Variants in GHR observed in about 807,000 individuals in gnomAD.
The protein encoded by GHR is growth hormone receptor.
Under a neutral mutation model 67.1 loss-of-function variants are expected in GHR, and 35 were observed. The ratio of observed to expected loss-of-function variants is 0.52; its 90% CI spans 0.40 to 0.69. The LOEUF (loss-of-function observed/expected upper bound fraction) is 0.69. Ranked by LOEUF, GHR falls within the 30% of genes least tolerant of loss-of-function variation. The pLI is 0.00. For missense variants in GHR, 792 were observed against 764.6 expected (o/e 1.04, Z -0.42); for synonymous variants, 272 against 269.1 (o/e 1.01, Z -0.10).
At position 42,711,389 on chromosome 5, in the gene GHR, A is replaced by T; in HGVS notation, c.784+17A>T. The T allele has an allele frequency of 6.3e-7, 1 of 1,580,254 alleles. No homozygotes were observed. Among genetic ancestry groups the T allele is most frequent in the South Asian group, 1.1e-5 (1 of 90,366 alleles). The stretch of plus-strand genomic sequence containing the variant: ...GTGAAGAAGGTAAAAGAAATAAAAG[A>T]TTAAAATAGTAGCTAACCTGGCTTT... On this transcript the variant is annotated intron_variant, in intron 7 of 9. Coordinates refer to ENST00000230882, the MANE Select transcript of GHR (RefSeq NM_000163.5).
At chr5:42,513,752 A>T (rs1747123109) in intron 1 of GHR, among the ~76,000 whole-genome samples, 1 of 151,916 alleles carries the variant, frequency 6.6e-6, no homozygotes, top group Non-Finnish European at 1.5e-5. Context: ...ATTGCACTCC[A>T]GTCTGGGCAA....
At position 42,659,221 on chromosome 5, in the gene GHR, G is replaced by A. The variant is rs1755428828; in HGVS notation, c.137-29669G>A. 3 of 152,298 alleles carry A rather than the reference G, an allele frequency of 2.0e-5. No individual in the cohort carries two copies. The South Asian group carries it at 6.2e-4, about 32-fold the overall frequency. The allele number at this position is 152,298 out of a possible 1,614,324, so 9.4% of individuals were successfully genotyped here. On this transcript the variant is annotated intron_variant, in intron 3 of 9. Transcript: ENST00000230882. ...TTACACAGGGGAAAACTGGAGCTTA[G>A]AGAACTTATGTAACATTACTAGCAA... is the stretch of plus-strand genomic sequence containing the variant.
intron 1 of GHR, among the ~76,000 whole-genome samples, chr5:42,486,672 C>T (rs950734544): frequency 2.0e-5 from 3 of 151,990 alleles, no homozygotes; most frequent in Non-Finnish European, 2.9e-5. Flanking sequence ...ACGGTGAAAC[C>T]CCGTCTCTAC....
chr5:42,435,086 A>G (rs1743266778), intron 1 of GHR, among the ~76,000 whole-genome samples: 1 of 152,230 alleles, frequency 6.6e-6, no homozygotes, highest in Non-Finnish European at 1.5e-5. Flanking sequence ...AGAATTCCCT[A>G]CAGTATCTTT....
chr5:42,644,059 A>T (rs982906171), intron 3 of GHR, among the ~76,000 whole-genome samples: 1 of 152,030 alleles, frequency 6.6e-6, no homozygotes, highest in Non-Finnish European at 1.5e-5. Context: ...TAGAAAAATC[A>T]CTACATTACA....
At chr5:42,615,146 G>A (rs929470644) in intron 2 of GHR, among the ~76,000 whole-genome samples, 1 of 151,694 alleles carries the variant, frequency 6.6e-6, no homozygotes, top group Admixed American at 6.6e-5. Flanking sequence ...ACCTGCTTCC[G>A]ACGAAATTTA....
intron 1 of GHR, among the ~76,000 whole-genome samples, chr5:42,516,619 T>A (rs1414782788): frequency 1.3e-5 from 2 of 152,208 alleles, no homozygotes; most frequent in South Asian, 4.1e-4. Flanking sequence ...GACAAGGAAG[T>A]GGGAGATGAA....
At chr5:42,695,205 A>C in intron 5 of GHR, 116 bp downstream of exon 5, 1 of 755,906 alleles carries the variant, frequency 1.3e-6, no homozygotes, top group Admixed American at 2.0e-5. Flanking sequence ...CTATAGATAC[A>C]TGGAGATCTG....
chr5:42,640,563 T>A (rs997508027), intron 3 of GHR, among the ~76,000 whole-genome samples: 1 of 151,996 alleles, frequency 6.6e-6, no homozygotes, highest in Non-Finnish European at 1.5e-5. Context: ...CCAAAACTTA[T>A]CTCCTATATA....
At position 42,437,978 on chromosome 5, in the gene GHR, GA is replaced by G. The variant is rs368436820; in HGVS notation, c.-12+14032del. Among the ~76,000 whole-genome samples, 11 of 151,012 alleles carry G rather than the reference GA, an allele frequency of 7.3e-5. No homozygotes were observed. The South Asian group carries it at 1.5e-3, about 20-fold the overall frequency. ...TTTAGAAATTCCTCTGATTTCTAGA[GA>G]AAAAAAAATCGCATTAGCTTTTTGG... On this transcript the variant is annotated intron_variant, in intron 1 of 9. Transcript: ENST00000230882.
At chr5:42,436,051 G>A (rs1485589180) in intron 1 of GHR, among the ~76,000 whole-genome samples, 1 of 152,192 alleles carries the variant, frequency 6.6e-6, no homozygotes, top group Non-Finnish European at 1.5e-5. Flanking sequence ...TTTTGAATGT[G>A]TGCCCTGAAC....
At chr5:42,547,615 T>G (rs975218560) in intron 1 of GHR, among the ~76,000 whole-genome samples, 1 of 152,182 alleles carries the variant, frequency 6.6e-6, no homozygotes, top group Non-Finnish European at 1.5e-5. Flanking sequence ...AAACTACGTT[T>G]TCTAAATGCT....
intron 2 of GHR, among the ~76,000 whole-genome samples, chr5:42,608,960 T>C (rs1473873718): frequency 2.0e-5 from 3 of 152,114 alleles, no homozygotes; most frequent in African/African-American, 7.2e-5. Context: ...CAATATTATA[T>C]AATTTAAAAA....
intron 3 of GHR, among the ~76,000 whole-genome samples, chr5:42,634,085 T>C (rs990152518): frequency 1.3e-5 from 2 of 152,166 alleles, no homozygotes; most frequent in Non-Finnish European, 2.9e-5. Flanking sequence ...GTTCTACTGC[T>C]TACTTCCTGT....
At chr5:42,540,932 G>A (rs903066283) in intron 1 of GHR, among the ~76,000 whole-genome samples, 18 of 137,876 alleles carry the variant, frequency 1.3e-4, no homozygotes, top group African/African-American at 4.8e-4. Context: ...ACAGTCTCTA[G>A]TATTTTCCTT....
intron 1 of GHR, among the ~76,000 whole-genome samples, chr5:42,509,342 T>A (rs1449341292): frequency 1.3e-5 from 2 of 152,162 alleles, no homozygotes; most frequent in Non-Finnish European, 2.9e-5. Flanking sequence ...ACTTTCCTAG[T>A]CTCCTGGACA....
chr5:42,524,467 T>A (rs898145922), intron 1 of GHR, among the ~76,000 whole-genome samples: 7 of 152,198 alleles, frequency 4.6e-5, no homozygotes, highest in African/African-American at 1.7e-4. Flanking sequence ...AGGTGAATGC[T>A]TGGGTGCCAT....
intron 2 of GHR, among the ~76,000 whole-genome samples, chr5:42,589,633 T>A (rs1369990529): frequency 6.6e-6 from 1 of 152,196 alleles, no homozygotes; most frequent in East Asian, 1.9e-4. Context: ...AGTTGTGTTA[T>A]TTTTTTCAGT....
At chr5:42,571,992 C>A (rs935190598) in intron 2 of GHR, among the ~76,000 whole-genome samples, 3 of 152,176 alleles carry the variant, frequency 2.0e-5, no homozygotes, top group African/African-American at 7.2e-5. Context: ...GCCCAGCCAG[C>A]CTCTACCTGA....
Sources: allele counts gnomAD v4.1 joint callset (sites outside exome capture counted in the v4.1 genomes callset), GRCh38; gene constraint gnomAD v4.1.1; transcripts MANE v1.5; gene names NCBI Gene and HGNC (gene_info 2026-07-23, HGNC 2026-07-21).